CLPB: variants seen among roughly 807,000 people sequenced by gnomAD.
The protein encoded by CLPB is mitochondrial disaggregase.
CLPB carries 40 observed loss-of-function variants against 78.4 expected under a neutral mutation model. The ratio of observed to expected loss-of-function variants is 0.51; its 90% confidence interval spans 0.40 to 0.66. CLPB has a LOEUF of 0.66. CLPB is among the 30% of genes least tolerant of loss of function. The pLI is 0.00. For synonymous variants in CLPB, 333 were observed against 348.0 expected, an observed-to-expected ratio of 0.96 and a Z score of 0.48; for missense variants, 780 against 886.9, an observed-to-expected ratio of 0.88 and a Z score of 1.53.
At chr11:72,433,896 C>T (rs983429211) in intron 1 of CLPB, among the ~76,000 whole-genome samples, 176 bp downstream of exon 1, 3 of 152,150 alleles carry the variant, frequency 2.0e-5, no homozygotes, top group Admixed American at 1.3e-4. Flanking sequence ...TATACAACTC[C>T]GAGGTGATGA....
intron 4 of CLPB, among the ~76,000 whole-genome samples, chr11:72,370,183 T>C (rs1282396377): frequency 6.6e-6 from 1 of 152,220 alleles, no homozygotes; most frequent in Non-Finnish European, 1.5e-5. Flanking sequence ...ATACACAAAA[T>C]ATGTAAATCA....
At position 72,288,111 on chromosome 11, in the gene CLPB, C is replaced by G. The variant is rs1324843275; in HGVS notation, c.*5256G>C. 6.6e-6 allele frequency: 1 copy of G among 152,130 alleles called. No individual in the cohort carries two copies. The highest frequency in any genetic ancestry group is 1.5e-5 in the Non-Finnish European group (1 of 68,034). 9.4% of individuals were successfully genotyped at this position (152,130 alleles called of 1,614,324 possible). On this transcript the variant is annotated 3_prime_UTR_variant, in exon 16 of 16. Transcript: ENST00000538039. ...TTCCCTAAATTTTAAAATCACTACACACCTTTGAGTTTTTCTTTTTGAACA... is the reference window on the plus strand; with the variant it reads ...TTCCCTAAATTTTAAAATCACTACAGACCTTTGAGTTTTTCTTTTTGAACA...
At chr11:72,300,658 C>T (rs1949639514) in intron 11 of CLPB, among the ~76,000 whole-genome samples, 1 of 152,126 alleles carries the variant, frequency 6.6e-6, no homozygotes, top group African/African-American at 2.4e-5. Flanking sequence ...ACCTGATGTG[C>T]TGTTCGGTCT....
intron 4 of CLPB, among the ~76,000 whole-genome samples, chr11:72,369,871 G>C (rs1357793833): frequency 6.6e-6 from 1 of 152,190 alleles, no homozygotes; most frequent in African/African-American, 2.4e-5. Context: ...CAGGGAAGAT[G>C]AATCTGAGAT....
At chr11:72,433,852 C>T (rs1003321688) in intron 1 of CLPB, among the ~76,000 whole-genome samples, 1 of 152,088 alleles carries the variant, frequency 6.6e-6, no homozygotes, top group Non-Finnish European at 1.5e-5. Flanking sequence ...TAAAATGATG[C>T]CCAGAGAGGG....
chr11:72,427,667 T>C (rs1856424986), intron 2 of CLPB, among the ~76,000 whole-genome samples: 1 of 152,210 alleles, frequency 6.6e-6, no homozygotes, highest in Non-Finnish European at 1.5e-5. Flanking sequence ...TACAGATTCC[T>C]AGCCTAGGAG....
chr11:72,308,932 C>T (rs886529623), intron 7 of CLPB, among the ~76,000 whole-genome samples: 1 of 152,084 alleles, frequency 6.6e-6, no homozygotes, highest in African/African-American at 2.4e-5. Context: ...AAGGAGAATT[C>T]GAGAGGAACT....
chr11:72,380,477 G>C, intron 3 of CLPB, 93 bp from the exon 4 acceptor site: 1 of 929,194 alleles, frequency 1.1e-6, no homozygotes, highest in East Asian at 2.6e-5. Context: ...GACTGGAGCT[G>C]TCTCTGCTCA....
chr11:72,317,583 A>C (rs1266278943), intron 6 of CLPB, among the ~76,000 whole-genome samples: 1 of 152,244 alleles, frequency 6.6e-6, no homozygotes, highest in Non-Finnish European at 1.5e-5. Flanking sequence ...TTAAATATTA[A>C]TATGATGATG....
At chr11:72,348,670 T>C (rs1465335681) in intron 5 of CLPB, among the ~76,000 whole-genome samples, 2 of 152,232 alleles carry the variant, frequency 1.3e-5, no homozygotes, top group South Asian at 4.1e-4. Context: ...TTATGTTTAA[T>C]TGAAAGTCCT....
intron 4 of CLPB, among the ~76,000 whole-genome samples, chr11:72,377,577 A>AT (rs1446666077): frequency 2.0e-5 from 3 of 150,708 alleles, no homozygotes; most frequent in Non-Finnish European, 1.5e-5. Flanking sequence ...GCTGTCTGGC[A>AT]TAAGAGTTAA....
In CLPB at chr11:72,294,649, TG is replaced by T; in HGVS notation, c.1530del (p.Phe510LeufsTer5). On this transcript the variant is annotated frameshift_variant, in exon 13 of 16. Transcript: ENST00000538039. LOFTEE classifies it high-confidence loss of function. ...ISDKITISKN[F>X]KENVIRPILK... ...AGGATAGGGCGAATCACATTCTCCT[TG>T]AAGTTCTTTGAGATGGTGATCTTGT... 6.2e-7 allele frequency: 1 copy of T among 1,614,190 alleles called. No homozygotes were observed. Among genetic ancestry groups the T allele is most frequent in the Non-Finnish European group, 8.5e-7 (1 of 1,179,972 alleles).
intron 2 of CLPB, among the ~76,000 whole-genome samples, chr11:72,414,306 G>A (rs1855958833): frequency 6.6e-6 from 1 of 152,192 alleles, no homozygotes; most frequent in Admixed American, 6.5e-5. Context: ...AGAAGGAAAG[G>A]CCTGTGCAGG....
chr11:72,314,186 G>A (rs1281869601), intron 7 of CLPB, among the ~76,000 whole-genome samples: 2 of 152,184 alleles, frequency 1.3e-5, no homozygotes, highest in South Asian at 2.1e-4. Flanking sequence ...TGGCAGAGCC[G>A]AACACATGAG....
At chr11:72,430,522 C>A in intron 1 of CLPB, 159 bp from the exon 2 acceptor site, 2 of 618,250 alleles carry the variant, frequency 3.2e-6, no homozygotes, top group Non-Finnish European at 5.7e-6. Context: ...TCATTCCCTC[C>A]CCACATGGTG....
At chr11:72,322,332 A>C (rs896244613) in intron 6 of CLPB, among the ~76,000 whole-genome samples, 1 of 152,208 alleles carries the variant, frequency 6.6e-6, no homozygotes, top group East Asian at 1.9e-4. Context: ...ATCAGAGACA[A>C]GACTGATGAG....
chr11:72,424,165 G>C (rs1304644401), intron 2 of CLPB, among the ~76,000 whole-genome samples: 1 of 152,200 alleles, frequency 6.6e-6, no homozygotes, highest in East Asian at 1.9e-4. Flanking sequence ...GCACGTATCA[G>C]TGCTTCCTTT....
chr11:72,337,656 G>A (rs1486293514), intron 5 of CLPB, among the ~76,000 whole-genome samples: 1 of 152,120 alleles, frequency 6.6e-6, no homozygotes, highest in African/African-American at 2.4e-5. Flanking sequence ...GTACATGTTT[G>A]ATATTTTACA....
intron 4 of CLPB, among the ~76,000 whole-genome samples, chr11:72,370,268 T>C (rs891118542): frequency 1.1e-4 from 17 of 152,236 alleles, no homozygotes; most frequent in Non-Finnish European, 2.1e-4. Flanking sequence ...TCAAATTTAT[T>C]CTGTTTAATA....
Sources: allele counts gnomAD v4.1 joint callset (sites outside exome capture counted in the v4.1 genomes callset), GRCh38; gene constraint gnomAD v4.1.1; transcripts MANE v1.5; gene names NCBI Gene and HGNC (gene_info 2026-07-23, HGNC 2026-07-21).